CEP83: variants seen among roughly 807,000 people sequenced by gnomAD.
The protein encoded by CEP83 is centrosomal protein of 83 kDa.
Under a neutral mutation model 101.9 loss-of-function variants are expected in CEP83, and 70 were observed. That is an observed-to-expected ratio of 0.69 (90% CI 0.57 to 0.84). The LOEUF (loss-of-function observed/expected upper bound fraction) is 0.84, where lower values mean the gene tolerates loss of function less well. Among genes scored for constraint, CEP83 ranks in the 40% least tolerant of loss-of-function variants. The pLI is 0.00. For synonymous variants in CEP83, 264 were observed against 267.9 expected (o/e 0.99, Z 0.14); for missense variants, 715 against 787.2 (o/e 0.91, Z 1.10).
At chr12:94,272,334 C>T in the CEP83 span, 1 of 152,294 alleles carries the variant, frequency 6.6e-6, no homozygotes, top group African/African-American at 2.4e-5. Context: ...AGTGTCTGCT[C>T]ACCCCAGCCT....
At chr12:94,298,712 A>G in the CEP83 span, 1 of 1,613,378 alleles carries the variant, frequency 6.2e-7, no homozygotes, top group Non-Finnish European at 8.5e-7. Flanking sequence ...TTGCTATAAA[A>G]TACTTTTTTG....
intron 11 of CEP83, among the ~76,000 whole-genome samples, chr12:94,344,573 A>T (rs1420879121): frequency 6.6e-6 from 1 of 152,050 alleles, no homozygotes; most frequent in Admixed American, 6.5e-5. Flanking sequence ...ACAATTAAGA[A>T]GTCAAATGAA....
intron 6 of CEP83, among the ~76,000 whole-genome samples, chr12:94,381,847 A>T (rs897347615): frequency 2.6e-5 from 4 of 152,144 alleles, no homozygotes; most frequent in African/African-American, 9.6e-5. Flanking sequence ...ACAAGGAATT[A>T]TTATAAGGAT....
intron 4 of CEP83, among the ~76,000 whole-genome samples, chr12:94,410,384 T>C (rs1321044482): frequency 1.3e-5 from 2 of 152,218 alleles, no homozygotes; most frequent in Admixed American, 6.5e-5. Flanking sequence ...AAACTAGGCA[T>C]AGAGACATAG....
chr12:94,402,960 T>G (rs1399144943), intron 5 of CEP83: 2 of 369,206 alleles, frequency 5.4e-6, no homozygotes, highest in East Asian at 3.9e-5. Flanking sequence ...AATTCTGGAA[T>G]GCCAAAGAAA....
At chr12:94,377,547 A>G (rs2061615369) in intron 7 of CEP83, among the ~76,000 whole-genome samples, 2 of 152,264 alleles carry the variant, frequency 1.3e-5, no homozygotes, top group African/African-American at 2.4e-5. Flanking sequence ...CATATATGAA[A>G]TAATACTCTC....
chr12:94,317,326 T>C (rs994638798), intron 14 of CEP83, among the ~76,000 whole-genome samples: 3 of 152,166 alleles, frequency 2.0e-5, no homozygotes, highest in African/African-American at 7.2e-5. Flanking sequence ...CAGATGCAGA[T>C]GCATAGCTTC....
At chr12:94,324,160 T>C (rs755015843) in intron 14 of CEP83, among the ~76,000 whole-genome samples, 7 of 152,226 alleles carry the variant, frequency 4.6e-5, no homozygotes, top group African/African-American at 7.2e-5. Context: ...TAAGTGGAGA[T>C]GTGTTTCCTC....
At chr12:94,347,837 G>C (rs2060011307) in intron 11 of CEP83, among the ~76,000 whole-genome samples, 1 of 152,174 alleles carries the variant, frequency 6.6e-6, no homozygotes, top group Non-Finnish European at 1.5e-5. Flanking sequence ...CTTTTGGGGT[G>C]ATGAAACTAT....
intron 11 of CEP83, among the ~76,000 whole-genome samples, chr12:94,339,189 C>A (rs1463141467): frequency 1.3e-5 from 2 of 152,182 alleles, no homozygotes; most frequent in Admixed American, 6.5e-5. Flanking sequence ...TGGTCTTGAA[C>A]TCCCGACCTC....
At chr12:94,303,659 T>G, downstream of CEP83, 3 of 1,099,214 alleles carry the variant, frequency 2.7e-6, no homozygotes, top group Middle Eastern at 2.8e-4. Flanking sequence ...GTGGTGGGGG[T>G]TCAGCTACAT....
chr12:94,355,854 C>T (rs775585448), intron 11 of CEP83, among the ~76,000 whole-genome samples: 1 of 152,202 alleles, frequency 6.6e-6, no homozygotes, highest in Admixed American at 6.5e-5. Context: ...TTTCGTTTCC[C>T]TTAAGGGGTA....
chr12:94,346,107 A>T (rs2059921776), intron 11 of CEP83, among the ~76,000 whole-genome samples: 2 of 151,910 alleles, frequency 1.3e-5, no homozygotes, highest in African/African-American at 4.8e-5. Flanking sequence ...CTGGAGTGCA[A>T]TGGCCAATCT....
the CEP83 span, chr12:94,277,695 T>C: frequency 5.4e-5 from 18 of 335,148 alleles, no homozygotes; most frequent in Middle Eastern, 1.1e-3. Context: ...GGAGTGGGCG[T>C]CCTAGCTGTC....
At chr12:94,408,741 G>A (rs1292576292) in intron 4 of CEP83, among the ~76,000 whole-genome samples, 1 of 152,028 alleles carries the variant, frequency 6.6e-6, no homozygotes, top group African/African-American at 2.4e-5. Flanking sequence ...CACTATGTCA[G>A]GCTAACTTAT....
intron 11 of CEP83, among the ~76,000 whole-genome samples, chr12:94,344,061 G>A (rs1203064735): frequency 6.6e-6 from 1 of 152,142 alleles, no homozygotes; most frequent in African/African-American, 2.4e-5. Flanking sequence ...AAGAAGAGAG[G>A]TCTTAGGAGA....
chr12:94,394,971 A>G (rs1381151928), intron 6 of CEP83, among the ~76,000 whole-genome samples: 1 of 152,232 alleles, frequency 6.6e-6, no homozygotes, highest in Non-Finnish European at 1.5e-5. Flanking sequence ...GTCAGGAAAC[A>G]ACAGATGCTG....
intron 11 of CEP83, 49 bp downstream of exon 11, chr12:94,367,745 C>T (rs573603006): frequency 1.4e-6 from 2 of 1,394,932 alleles, no homozygotes; most frequent in Non-Finnish European, 1.9e-6. Flanking sequence ...TTTGTTAACT[C>T]TGACCTTATT....
chr12:94,273,254 G>A, the CEP83 span, among the ~76,000 whole-genome samples: 1 of 152,140 alleles, frequency 6.6e-6, no homozygotes, highest in African/African-American at 2.4e-5. Flanking sequence ...CCTATGAATA[G>A]TACAGGGACT....
Sources: gnomAD v4.1 joint callset for allele counts (sites outside exome capture counted in the v4.1 genomes callset) on GRCh38, gnomAD v4.1.1 for gene constraint, MANE v1.5 for transcripts, NCBI Gene and HGNC (gene_info 2026-07-23, HGNC 2026-07-21) for gene names.